The following HS6ST3 variants were observed in gnomAD, a reference collection of about 807,000 sequenced individuals.
HS6ST3 encodes the protein heparan-sulfate 6-O-sulfotransferase 3.
HS6ST3 carries 12 observed loss-of-function variants against 36.7 expected under a neutral mutation model. The ratio of observed to expected loss-of-function variants is 0.33; its 90% CI spans 0.21 to 0.53. The LOEUF (loss-of-function observed/expected upper bound fraction) is 0.53. Ranked by LOEUF, HS6ST3 falls within the 20% of genes least tolerant of loss-of-function variation. The probability of loss-of-function intolerance (pLI) is 0.95; values close to 1 mark genes in which losing one functional copy is unlikely to be tolerated. For missense variants in HS6ST3, 584 were observed against 640.9 expected, an observed-to-expected ratio of 0.91 and a Z score of 0.96; for synonymous variants, 240 against 257.5, an observed-to-expected ratio of 0.93 and a Z score of 0.65.
At chr13:96,278,094 T>C (rs17678346) in intron 1 of HS6ST3, among the ~76,000 whole-genome samples, 1,684 of 152,268 alleles carry the variant, frequency 0.011, 20 homozygotes, top group Non-Finnish European at 0.017. Flanking sequence ...TCTTGGAAAC[T>C]TGCTATTTAT....
chr13:96,575,485 G>A (rs1465256258), intron 1 of HS6ST3, among the ~76,000 whole-genome samples: 3 of 152,170 alleles, frequency 2.0e-5, no homozygotes, highest in Non-Finnish European at 1.5e-5. Flanking sequence ...TTCTTTTCAG[G>A]CAGACATCTT....
At chr13:96,306,838 T>C (rs2054916327) in intron 1 of HS6ST3, among the ~76,000 whole-genome samples, 1 of 152,242 alleles carries the variant, frequency 6.6e-6, no homozygotes, top group South Asian at 2.1e-4. Flanking sequence ...AACAAAATTC[T>C]AGATGATAAG....
intron 1 of HS6ST3, among the ~76,000 whole-genome samples, chr13:96,138,325 A>G (rs1021343839): frequency 2.0e-5 from 3 of 151,658 alleles, no homozygotes; most frequent in Non-Finnish European, 2.9e-5. Flanking sequence ...AGAGAGCTGA[A>G]AAAACTTATT....
At chr13:96,682,774 G>T (rs753380468) in intron 1 of HS6ST3, among the ~76,000 whole-genome samples, 1 of 152,040 alleles carries the variant, frequency 6.6e-6, no homozygotes, top group Non-Finnish European at 1.5e-5. Flanking sequence ...TTACCATGAT[G>T]CAACCTTGCA....
At chr13:96,340,117 G>C (rs2055122713) in intron 1 of HS6ST3, among the ~76,000 whole-genome samples, 1 of 152,106 alleles carries the variant, frequency 6.6e-6, no homozygotes, top group Non-Finnish European at 1.5e-5. Context: ...TTATGTATTA[G>C]GTATGTTGGA....
intron 1 of HS6ST3, among the ~76,000 whole-genome samples, chr13:96,500,738 A>G (rs528988088): frequency 1.9e-4 from 29 of 152,212 alleles, no homozygotes; most frequent in Non-Finnish European, 3.1e-4. Flanking sequence ...TTAATAAATT[A>G]TCACTCTGTG....
At chr13:96,348,485 G>A (rs996604004) in intron 1 of HS6ST3, among the ~76,000 whole-genome samples, 3 of 152,120 alleles carry the variant, frequency 2.0e-5, no homozygotes, top group African/African-American at 7.2e-5. Context: ...TTAGCTTTGC[G>A]ACATAAATGG....
chr13:96,560,663 C>T (rs535035290), intron 1 of HS6ST3, among the ~76,000 whole-genome samples: 1 of 152,234 alleles, frequency 6.6e-6, no homozygotes, highest in Admixed American at 6.5e-5. Flanking sequence ...AACTGATAAA[C>T]AATTTCAGTA....
chr13:96,203,347 A>G (rs926172686), intron 1 of HS6ST3, among the ~76,000 whole-genome samples: 1 of 152,132 alleles, frequency 6.6e-6, no homozygotes, highest in African/African-American at 2.4e-5. Flanking sequence ...AGAGGGGGCA[A>G]AGAAGCCCTC....
chr13:96,114,795 C>A (rs746091070), intron 1 of HS6ST3, among the ~76,000 whole-genome samples: 41 of 152,166 alleles, frequency 2.7e-4, no homozygotes, highest in Non-Finnish European at 1.2e-4. Flanking sequence ...AAACACCATG[C>A]CCCCAGGCCT....
intron 1 of HS6ST3, among the ~76,000 whole-genome samples, chr13:96,327,497 T>C (rs984268498): frequency 6.6e-4 from 100 of 152,088 alleles, no homozygotes; most frequent in South Asian, 1.9e-3. Context: ...TGTAGATATG[T>C]GGCGTTATTT....
At chr13:96,626,841 T>TA (rs911342298) in intron 1 of HS6ST3, among the ~76,000 whole-genome samples, 1 of 152,040 alleles carries the variant, frequency 6.6e-6, no homozygotes, top group African/African-American at 2.4e-5. Flanking sequence ...GTATTTTTTT[T>TA]AAAAAAATAC....
chr13:96,589,132 A>G (rs1445950949), intron 1 of HS6ST3, among the ~76,000 whole-genome samples: 1 of 150,730 alleles, frequency 6.6e-6, no homozygotes, highest in Non-Finnish European at 1.5e-5. Context: ...TTAGTTCTTC[A>G]TTAAATGTTT....
intron 1 of HS6ST3, among the ~76,000 whole-genome samples, chr13:96,640,357 A>C (rs1414810904): frequency 6.6e-6 from 1 of 151,918 alleles, no homozygotes; most frequent in African/African-American, 2.4e-5. Flanking sequence ...GGCTGCTTAT[A>C]TGTCTTCTTT....
intron 1 of HS6ST3, among the ~76,000 whole-genome samples, chr13:96,710,670 G>A (rs539753490): frequency 1.0e-3 from 156 of 152,348 alleles, no homozygotes; most frequent in African/African-American, 3.4e-3. Flanking sequence ...GATACTGCGG[G>A]AGGACCCGAG....
At chr13:96,528,378 A>G (rs1021445888) in intron 1 of HS6ST3, among the ~76,000 whole-genome samples, 2 of 152,198 alleles carry the variant, frequency 1.3e-5, no homozygotes, top group Admixed American at 6.5e-5. Context: ...TTTGTTGCTA[A>G]TGATAAAATT....
At chr13:96,449,402 A>G (rs1448535919) in intron 1 of HS6ST3, among the ~76,000 whole-genome samples, 1 of 152,178 alleles carries the variant, frequency 6.6e-6, no homozygotes, top group African/African-American at 2.4e-5. Context: ...AATAAAATGT[A>G]TCCCTCTGCT....
chr13:96,174,673 T>G (rs535253331), intron 1 of HS6ST3, among the ~76,000 whole-genome samples: 1 of 152,362 alleles, frequency 6.6e-6, no homozygotes, highest in Non-Finnish European at 1.5e-5. Context: ...TTTTCTAAAC[T>G]ATGTTTAAAT....
chr13:96,467,418 T>C (rs1050650254), intron 1 of HS6ST3, among the ~76,000 whole-genome samples: 1 of 152,176 alleles, frequency 6.6e-6, no homozygotes, highest in African/African-American at 2.4e-5. Flanking sequence ...TGGGATATTT[T>C]TGGAATTCTC....
Sources: allele counts gnomAD v4.1 joint callset (sites outside exome capture counted in the v4.1 genomes callset), GRCh38; gene constraint gnomAD v4.1.1; transcripts MANE v1.5; gene names NCBI Gene and HGNC (gene_info 2026-07-23, HGNC 2026-07-21).